Variants in EPB41L4B observed in about 807,000 individuals in gnomAD.
EPB41L4B encodes the protein band 4.1-like protein 4B.
A neutral mutation model predicts 112.5 loss-of-function variants in EPB41L4B; 30 were observed. The ratio of observed to expected loss-of-function variants is 0.27; its 90% CI spans 0.20 to 0.36. EPB41L4B has a LOEUF of 0.36. EPB41L4B is among the 10% of genes least tolerant of loss of function. The pLI is 1.00. For synonymous variants in EPB41L4B, 408 were observed against 439.7 expected (o/e 0.93, Z 0.90); for missense variants, 1,024 against 1,133.3 (o/e 0.90, Z 1.38).
At chr9:109,241,102 G>C in intron 15 of EPB41L4B, 1 of 985,574 alleles carries the variant, frequency 1.0e-6, no homozygotes, top group Non-Finnish European at 1.2e-6. Context: ...GATAAAATTA[G>C]TTTGAATGTA....
Position 109,268,373 on chromosome 9 carries a change from TA to T in EPB41L4B, c.454+17del, listed in dbSNP as rs1835483578. 1 of 1,609,776 alleles carries T rather than the reference TA, an allele frequency of 6.2e-7. No individual in the cohort carries two copies. The highest frequency in any genetic ancestry group is 1.1e-5 in the South Asian group (1 of 89,890). ...TCAGAAAAAAAATAAATGAGTGAGC[TA>T]AATTCTGCTTACTTACTTTTCATCT... On this transcript the variant is annotated intron_variant, in intron 3 of 25. Coordinates refer to ENST00000374566, the MANE Select transcript of EPB41L4B (RefSeq NM_019114.5).
intron 15 of EPB41L4B, among the ~76,000 whole-genome samples, chr9:109,221,304 C>G (rs536715451): frequency 1.3e-5 from 2 of 152,152 alleles, no homozygotes; most frequent in Admixed American, 1.3e-4. Context: ...GATTTGACGA[C>G]AGGTCTGTGG....
chr9:109,231,502 G>GAATGAATAGATGAATTCTATT (rs1324588538), intron 15 of EPB41L4B, among the ~76,000 whole-genome samples: 1 of 152,110 alleles, frequency 6.6e-6, no homozygotes, highest in African/African-American at 2.4e-5. Context: ...CATAAAAGTT[G>GAATGAATAGATGAATTCTATT]CACTTTTGAC....
chr9:109,275,098 C>G (rs1311598804), intron 2 of EPB41L4B, among the ~76,000 whole-genome samples: 1 of 152,228 alleles, frequency 6.6e-6, no homozygotes, highest in Non-Finnish European at 1.5e-5. Flanking sequence ...AAAAGGGAAA[C>G]AGGAGGTCCT....
chr9:109,211,279 T>TAACAAC (rs745805286), intron 17 of EPB41L4B, among the ~76,000 whole-genome samples: 1 of 151,780 alleles, frequency 6.6e-6, no homozygotes, highest in South Asian at 2.1e-4. Flanking sequence ...TCATGGATGA[T>TAACAAC]AACAACAACA....
intron 15 of EPB41L4B, among the ~76,000 whole-genome samples, chr9:109,220,769 G>A (rs572286026): frequency 1.3e-5 from 2 of 151,822 alleles, no homozygotes; most frequent in African/African-American, 2.4e-5. Flanking sequence ...GTGTGTTGGT[G>A]TGTGTGAGCA....
chr9:109,206,855 G>A (rs10979747), intron 18 of EPB41L4B, among the ~76,000 whole-genome samples: 13,061 of 152,280 alleles, frequency 0.086, 851 homozygotes, highest in African/African-American at 0.18. Context: ...CACATGGGGC[G>A]CTCCTTGTCT....
chr9:109,216,809 T>C (rs1833386588), intron 16 of EPB41L4B, 113 bp downstream of exon 16: 1 of 1,092,422 alleles, frequency 9.2e-7, no homozygotes, highest in Non-Finnish European at 1.4e-6. Flanking sequence ...CAGCATAACA[T>C]GACAACCATT....
At chr9:109,265,497 CT>C (rs1272170292) in intron 4 of EPB41L4B, among the ~76,000 whole-genome samples, 1 of 151,854 alleles carries the variant, frequency 6.6e-6, no homozygotes, top group Non-Finnish European at 1.5e-5. Context: ...TTCTTTTCCC[CT>C]GATGCAGTGT....
chr9:109,218,519 T>C (rs1440486123), intron 15 of EPB41L4B, among the ~76,000 whole-genome samples: 1 of 152,112 alleles, frequency 6.6e-6, no homozygotes, highest in African/African-American at 2.4e-5. Flanking sequence ...AACAACATTC[T>C]ACACACAATA....
At chr9:109,311,968 C>T (rs778078173) in intron 1 of EPB41L4B, among the ~76,000 whole-genome samples, 9 of 152,152 alleles carry the variant, frequency 5.9e-5, no homozygotes, top group East Asian at 1.9e-4. Flanking sequence ...GGCTGCCTGA[C>T]GCGTAAGTGA....
chr9:109,243,567 T>C (rs773580096), intron 15 of EPB41L4B, 51 bp downstream of exon 15: 11 of 1,577,672 alleles, frequency 7.0e-6, no homozygotes, highest in Non-Finnish European at 9.6e-6. Context: ...TGAACTTTTC[T>C]AGAGAAAGGA....
intron 1 of EPB41L4B, among the ~76,000 whole-genome samples, chr9:109,282,764 C>T (rs1193211090): frequency 6.6e-6 from 1 of 152,100 alleles, no homozygotes; most frequent in Non-Finnish European, 1.5e-5. Context: ...AATCTTGACT[C>T]ACTGCAACCT....
intron 18 of EPB41L4B, among the ~76,000 whole-genome samples, chr9:109,204,429 G>A (rs1221510271): frequency 6.6e-6 from 1 of 152,160 alleles, no homozygotes; most frequent in African/African-American, 2.4e-5. Context: ...TTATTAGCCT[G>A]TCAAGATTGC....
At chr9:109,235,764 T>G (rs1834119482) in intron 15 of EPB41L4B, among the ~76,000 whole-genome samples, 4 of 152,218 alleles carry the variant, frequency 2.6e-5, no homozygotes. Context: ...TACGAACCAC[T>G]AAAAATTCTT....
At chr9:109,195,581 G>A (rs759293398) in intron 20 of EPB41L4B, among the ~76,000 whole-genome samples, 9 of 152,108 alleles carry the variant, frequency 5.9e-5, no homozygotes, top group Non-Finnish European at 8.8e-5. Context: ...TTTTCACACC[G>A]ACCCTATTAC....
intron 15 of EPB41L4B, among the ~76,000 whole-genome samples, chr9:109,220,889 C>T (rs1033712526): frequency 1.3e-5 from 2 of 152,152 alleles, no homozygotes; most frequent in Non-Finnish European, 2.9e-5. Flanking sequence ...ACCAGAGTAT[C>T]CACCCTCTTC....
At chr9:109,294,672 C>CTGTGTGTG (rs56261244) in intron 1 of EPB41L4B, among the ~76,000 whole-genome samples, 211 of 147,950 alleles carry the variant, frequency 1.4e-3, no homozygotes, top group African/African-American at 5.0e-3. Context: ...GATATTGTGG[C>CTGTGTGTG]TGTGTGTGTG....
At position 109,255,531 on chromosome 9, in the gene EPB41L4B, C is replaced by T; in HGVS notation, c.1149G>A (p.Leu383=). The T allele has an allele frequency of 6.2e-7, 1 of 1,614,144 alleles. No individual in the cohort carries two copies. Among genetic ancestry groups the T allele is most frequent in the African/African-American group, 1.3e-5 (1 of 75,052 alleles). The change falls in exon 11 of 26, where the codon CTG becomes CTA. Residue 383 remains leucine, a synonymous_variant. Transcript: ENST00000374566. ...SKSNRSDFIR[L]GSRFRFSGRT... ...CCTACCTGAATCTGAAGCGAGAGCC[C>T]AGCCTGATAAAGTCGGATCTATTGG... is the stretch of plus-strand genomic sequence containing the variant.
Sources: gnomAD v4.1 joint callset for allele counts (sites outside exome capture counted in the v4.1 genomes callset) on GRCh38, gnomAD v4.1.1 for gene constraint, MANE v1.5 for transcripts, NCBI Gene and HGNC (gene_info 2026-07-23, HGNC 2026-07-21) for gene names.